The following PARPBP variants were observed in gnomAD, a reference collection of about 807,000 sequenced individuals.
PARPBP encodes the protein PARP1 binding protein.
A neutral mutation model predicts 50.0 loss-of-function variants in PARPBP; 52 were observed. That is an observed-to-expected ratio of 1.04 (90% CI 0.83 to 1.31). The LOEUF (loss-of-function observed/expected upper bound fraction) is 1.31. PARPBP is among the 50% of genes most tolerant of loss of function. The pLI, the probability that PARPBP is intolerant of heterozygous loss-of-function variation, is 0.00. For missense variants in PARPBP, 697 were observed against 672.0 expected, an observed-to-expected ratio of 1.04 and a Z score of -0.41; for synonymous variants, 244 against 232.1, an observed-to-expected ratio of 1.05 and a Z score of -0.47.
At position 102,196,197 on chromosome 12, in the gene PARPBP, G is replaced by T; in HGVS notation, c.1646G>T (p.Gly549Val). 1 of 1,611,562 alleles carries T rather than the reference G, an allele frequency of 6.2e-7. No individual in the cohort carries two copies. The highest frequency in any genetic ancestry group is 8.5e-7 in the Non-Finnish European group (1 of 1,178,454). Residue 549 changes from glycine to valine, a missense_variant, in exon 11 of 11, where the codon GGC becomes GTC. Transcript: ENST00000327680. ...AATGATTCACAGAATAGATTGTACG[G>T]CAAACTAGCTAAAGTAGCAAAAAGT... ...KSNDSQNRLY[G>V]KLAKVAKSNK...
chr12:102,186,067 T>C (rs1890272088), intron 9 of PARPBP, among the ~76,000 whole-genome samples: 1 of 152,198 alleles, frequency 6.6e-6, no homozygotes, highest in Non-Finnish European at 1.5e-5. Flanking sequence ...TCTAGGAATT[T>C]ATCTATTTTT....
Position 102,197,481 on chromosome 12 carries a change from A to G in PARPBP, c.*1190A>G. The G allele has an allele frequency of 6.5e-7, 1 of 1,542,798 alleles. No homozygotes were observed. The highest frequency in any genetic ancestry group is 8.7e-7 in the Non-Finnish European group (1 of 1,145,128). On this transcript the variant is annotated 3_prime_UTR_variant, in exon 11 of 11. Coordinates refer to ENST00000327680, the MANE Select transcript of PARPBP (RefSeq NM_017915.5). ...TCAGAGGATTTGTAAGAATCATTTA[A>G]ATTTTCATTGAAATAAACGACAAGT...
chr12:102,123,979 CTA>C lies in PARPBP; in HGVS notation c.93_94del (p.Cys32TrpfsTer30), dbSNP rs1226880410. 2 of 1,533,598 alleles carry C rather than the reference CTA, an allele frequency of 1.3e-6. No homozygotes were observed. The highest frequency in any genetic ancestry group is 1.7e-6 in the Non-Finnish European group (2 of 1,144,644). The allele number at this position is 1,533,598 out of a possible 1,614,324, so 95.0% of individuals were successfully genotyped here. On this transcript the variant is annotated frameshift_variant, in exon 2 of 11. Coordinates refer to ENST00000327680, the MANE Select transcript of PARPBP (RefSeq NM_017915.5). LOFTEE classifies it high-confidence loss of function. ...TCTTTGTAACTCTGAGAGAACTACT[CTA>C]TGTGGTGCAGACTCCATGCTCTTGG... ...RALCNSERTT[L>X]CGADSMLLAL... is the part of the protein sequence containing the mutation.
chr12:102,153,953 A>C lies in PARPBP; in HGVS notation c.472A>C (p.Lys158Gln), dbSNP rs780840181. 6.3e-7 allele frequency: 1 copy of C among 1,592,634 alleles called. No individual in the cohort carries two copies. Among genetic ancestry groups the C allele is most frequent in the South Asian group, 1.1e-5 (1 of 90,630 alleles). Residue 158 changes from lysine to glutamine, a missense_variant, in exon 4 of 11, where the codon AAA (lysine) becomes CAA (glutamine). Lys to Gln is a moderately conservative substitution (Grantham distance 53). Coordinates refer to ENST00000327680, the MANE Select transcript of PARPBP (RefSeq NM_017915.5). Reference sequence around the variant, plus strand: ...TTCTATACCAACATCACCAACAAGTAAATACAACCGTGATAATGAAAAGGT... The same window carrying C: ...TTCTATACCAACATCACCAACAAGTCAATACAACCGTGATAATGAAAAGGT... ...DLSIPTSPTSKYNRDNEKVQL... is the reference protein window; with the variant it reads ...DLSIPTSPTSQYNRDNEKVQL...
chr12:102,190,877 G>A (rs929722200), intron 9 of PARPBP, among the ~76,000 whole-genome samples: 1 of 152,104 alleles, frequency 6.6e-6, no homozygotes, highest in African/African-American at 2.4e-5. Context: ...AAGGAAAGTG[G>A]GGTTCCTTTG....
At chr12:102,139,284 C>G (rs1884170399) in intron 2 of PARPBP, among the ~76,000 whole-genome samples, 1 of 151,876 alleles carries the variant, frequency 6.6e-6, no homozygotes, top group South Asian at 2.1e-4. Flanking sequence ...ATTTGGCTCT[C>G]TGTCTGTGAT....
At chr12:102,154,881 A>T in intron 4 of PARPBP, 1 of 451,354 alleles carries the variant, frequency 2.2e-6, no homozygotes, top group South Asian at 1.6e-5. Context: ...AATAGGAAGC[A>T]TTTGCCATCT....
chr12:102,178,446 C>G, intron 7 of PARPBP, 146 bp from the exon 8 acceptor site: 1 of 450,042 alleles, frequency 2.2e-6, no homozygotes. Context: ...AAAATGGTCA[C>G]ATGCCTCACA....
intron 4 of PARPBP, among the ~76,000 whole-genome samples, chr12:102,163,061 G>A (rs2139522698): frequency 6.6e-6 from 1 of 152,260 alleles, no homozygotes; most frequent in East Asian, 1.9e-4. Flanking sequence ...AAGTTCATGT[G>A]TTTTGCATAT....
At chr12:102,164,415 T>A (rs1268595323) in intron 4 of PARPBP, 23 bp from the exon 5 acceptor site, 3 of 1,566,782 alleles carry the variant, frequency 1.9e-6, no homozygotes, top group African/African-American at 2.7e-5. Context: ...ATAAAGAAAT[T>A]AACTGAATAT....
At chr12:102,151,178 A>C (rs1886138130) in intron 3 of PARPBP, among the ~76,000 whole-genome samples, 1 of 152,172 alleles carries the variant, frequency 6.6e-6, no homozygotes, top group African/African-American at 2.4e-5. Flanking sequence ...ATACGTATAA[A>C]TGTTAGGTAC....
chr12:102,134,043 C>A (rs1883254110), intron 2 of PARPBP, among the ~76,000 whole-genome samples: 1 of 150,604 alleles, frequency 6.6e-6, no homozygotes, highest in Non-Finnish European at 1.5e-5. Context: ...AACATTACAC[C>A]AAAAGAAACT....
rs1041812250 is a variant in PARPBP, at chr12:102,137,205, G to A, written c.154-11025G>A. ...CCTGACTTCGTGATCCACCCGCCTC[G>A]GCCTCCCAAAGTGCTAAAATTACAG... On this transcript the variant is annotated intron_variant, in intron 2 of 10. Transcript: ENST00000327680. Among the ~76,000 whole-genome samples the A allele has an allele frequency of 3.9e-5, 6 of 152,006 alleles. No individual in the cohort carries two copies. The East Asian group carries it at 5.8e-4, about 15-fold the overall frequency.
At chr12:102,181,882 G>T (rs1980002) in intron 8 of PARPBP, among the ~76,000 whole-genome samples, 39,363 of 152,020 alleles carry the variant, frequency 0.26, 5,245 homozygotes, top group East Asian at 0.42. Context: ...CCATAGATTA[G>T]ATTTTCTTGC....
chr12:102,122,303 A>C (rs1006762007), intron 1 of PARPBP, among the ~76,000 whole-genome samples: 1 of 152,172 alleles, frequency 6.6e-6, no homozygotes, highest in Non-Finnish European at 1.5e-5. Flanking sequence ...CATTTATGTA[A>C]ATAATTAATC....
In PARPBP at chr12:102,196,410, T is replaced by C. The variant is rs1162418518; in HGVS notation, c.*119T>C. 6.5e-6 allele frequency: 5 copies of C among 773,296 alleles called. No individual in the cohort carries two copies. The East Asian group carries it at 1.3e-4, about 20-fold the overall frequency. 47.9% of individuals were successfully genotyped at this position (773,296 alleles called of 1,614,324 possible). A position where few individuals can be genotyped will look rare whatever the true frequency, so the allele number is the denominator to read the frequency against. On this transcript the variant is annotated 3_prime_UTR_variant, in exon 11 of 11. Transcript: ENST00000327680. The stretch of plus-strand genomic sequence containing the variant: ...ATTTATTATTTTGGTCTACAGTGTA[T>C]GTAAGGTTAGTATGTTAAGCATTGT...
chr12:102,147,802 G>A (rs1885602260), intron 2 of PARPBP, among the ~76,000 whole-genome samples: 1 of 151,814 alleles, frequency 6.6e-6, no homozygotes, highest in African/African-American at 2.4e-5. Flanking sequence ...ATTCACTATG[G>A]CAATGAGAAT....
chr12:102,164,720 A>T (rs764889472), intron 5 of PARPBP, 112 bp downstream of exon 5: 3 of 833,286 alleles, frequency 3.6e-6, no homozygotes, highest in East Asian at 5.0e-5. Flanking sequence ...TTTATGTTCT[A>T]CCTCTGTATT....
chr12:102,160,863 A>G (rs947006023), intron 4 of PARPBP, among the ~76,000 whole-genome samples: 1 of 151,736 alleles, frequency 6.6e-6, no homozygotes, highest in African/African-American at 2.4e-5. Context: ...CAGGAGAATC[A>G]CTTGAACTTG....
Sources: allele counts gnomAD v4.1 joint callset (sites outside exome capture counted in the v4.1 genomes callset), GRCh38; gene constraint gnomAD v4.1.1; transcripts MANE v1.5; gene names NCBI Gene and HGNC (gene_info 2026-07-23, HGNC 2026-07-21).